AGPAT5: variants seen among roughly 807,000 people sequenced by gnomAD.
AGPAT5 encodes the protein 1-acylglycerol-3-phosphate O-acyltransferase 5.
A neutral mutation model predicts 45.6 loss-of-function variants in AGPAT5; 46 were observed. The observed-to-expected ratio is 1.01, with a 90% CI of 0.80 to 1.29. The LOEUF (loss-of-function observed/expected upper bound fraction) is 1.29. Ranked by LOEUF, AGPAT5 falls within the 50% of genes most tolerant of loss-of-function variation. The pLI is 0.00. For synonymous variants in AGPAT5, 272 were observed against 167.0 expected, an observed-to-expected ratio of 1.63 and a Z score of -4.85; for missense variants, 673 against 450.7, an observed-to-expected ratio of 1.49 and a Z score of -4.47.
chr8:6,737,207 T>C (rs1250956785), intron 4 of AGPAT5, among the ~76,000 whole-genome samples: 1 of 152,222 alleles, frequency 6.6e-6, no homozygotes, highest in African/African-American at 2.4e-5. Flanking sequence ...GTAAGGTCAC[T>C]GTCCCAGGTC....
At chr8:6,748,659 C>T (rs559678467) in intron 6 of AGPAT5, among the ~76,000 whole-genome samples, 2 of 152,166 alleles carry the variant, frequency 1.3e-5, no homozygotes, top group African/African-American at 2.4e-5. Context: ...CGTGTGCCAC[C>T]ATGCATGACT....
chr8:6,709,077 G>C, intron 1 of AGPAT5, 190 bp downstream of exon 1: 1 of 690,808 alleles, frequency 1.4e-6, no homozygotes, highest in Non-Finnish European at 2.5e-6. Flanking sequence ...TCTCTAGGAA[G>C]CTGTGGCTGC....
intron 1 of AGPAT5, among the ~76,000 whole-genome samples, chr8:6,714,229 TA>T (rs1356400203): frequency 6.6e-5 from 10 of 152,362 alleles, no homozygotes; most frequent in Non-Finnish European, 1.5e-4. Context: ...AGACCTTAAA[TA>T]GATCTTAAAT....
chr8:6,727,803 G>C (rs1800737307), intron 2 of AGPAT5, among the ~76,000 whole-genome samples: 1 of 152,236 alleles, frequency 6.6e-6, no homozygotes, highest in South Asian at 2.1e-4. Flanking sequence ...TGGAGTTAGA[G>C]AGACCCAGGT....
chr8:6,739,903 T>G (rs1479030797), intron 4 of AGPAT5, among the ~76,000 whole-genome samples: 1 of 152,122 alleles, frequency 6.6e-6, no homozygotes, highest in Non-Finnish European at 1.5e-5. Context: ...CCTAAATTTT[T>G]TCTCATCATT....
At chr8:6,743,512 A>G (rs937142911) in intron 5 of AGPAT5, among the ~76,000 whole-genome samples, 1 of 152,230 alleles carries the variant, frequency 6.6e-6, no homozygotes, top group African/African-American at 2.4e-5. Context: ...TTTTATTCAC[A>G]AAAAGAACAA....
At chr8:6,716,215 T>C (rs190293564) in intron 1 of AGPAT5, among the ~76,000 whole-genome samples, 138 of 152,352 alleles carry the variant, frequency 9.1e-4, no homozygotes, top group African/African-American at 3.2e-3. Flanking sequence ...CTCTTGGAGA[T>C]GGCAATAATG....
chr8:6,712,983 C>T (rs960801898), intron 1 of AGPAT5, among the ~76,000 whole-genome samples: 16 of 152,242 alleles, frequency 1.1e-4, no homozygotes, highest in South Asian at 8.3e-4. Flanking sequence ...TTAATCAACA[C>T]GTAATAGATT....
At chr8:6,717,953 T>C (rs1788873502) in intron 1 of AGPAT5, among the ~76,000 whole-genome samples, 1 of 152,250 alleles carries the variant, frequency 6.6e-6, no homozygotes, top group African/African-American at 2.4e-5. Context: ...GTGAGAAACC[T>C]AGGTGTAATT....
At chr8:6,708,910 GTCTC>G (rs1563277122) in intron 1 of AGPAT5, 23 bp downstream of exon 1, 7 of 1,587,622 alleles carry the variant, frequency 4.4e-6, no homozygotes, top group East Asian at 2.3e-5. Flanking sequence ...CCGCTCCCGG[GTCTC>G]GGCGTCCACC....
At chr8:6,750,341 A>C (rs146135628) in intron 6 of AGPAT5, among the ~76,000 whole-genome samples, 1 of 152,338 alleles carries the variant, frequency 6.6e-6, no homozygotes, top group African/African-American at 2.4e-5. Context: ...CCTCTGCTAC[A>C]TGTGAGCTGA....
chr8:6,745,461 A>G (rs1282119261), intron 5 of AGPAT5, among the ~76,000 whole-genome samples: 2 of 152,200 alleles, frequency 1.3e-5, no homozygotes, highest in Non-Finnish European at 2.9e-5. Flanking sequence ...ACTGACCTCC[A>G]AAGCATCGTA....
In AGPAT5 at chr8:6,757,274, C is replaced by T; in HGVS notation, c.981C>T (p.Ile327=). 3.1e-6 allele frequency: 5 copies of T among 1,614,150 alleles called. No homozygotes were observed. Among genetic ancestry groups the T allele is most frequent in the Non-Finnish European group, 3.4e-6 (4 of 1,180,010 alleles). The change falls in exon 8 of 8, where the codon ATC becomes ATT. Residue 327 remains isoleucine (I), a synonymous_variant. Transcript: ENST00000285518. ...SIKKTLPSML[I]LSGLTAGMLM... is the part of the protein sequence containing the mutation. Reference sequence around the variant, plus strand: ...AGAAGACTTTACCATCAATGTTGATCTTAAGTGGTTTGACTGCAGGCATGC... The same window carrying T: ...AGAAGACTTTACCATCAATGTTGATTTTAAGTGGTTTGACTGCAGGCATGC...
At chr8:6,750,013 A>G (rs760375433) in intron 6 of AGPAT5, among the ~76,000 whole-genome samples, 2 of 152,100 alleles carry the variant, frequency 1.3e-5, no homozygotes, top group Non-Finnish European at 2.9e-5. Context: ...CCTGCACCCC[A>G]TGCATATTCA....
chr8:6,724,670 C>T (rs201459649), intron 1 of AGPAT5, among the ~76,000 whole-genome samples, 200 bp from the exon 2 acceptor site: 1 of 12,860 alleles, frequency 7.8e-5, no homozygotes, highest in Non-Finnish European at 1.2e-4. Flanking sequence ...AATTTATTAC[C>T]GTTAACCTGT....
At chr8:6,708,960 A>G (rs1201593700) in intron 1 of AGPAT5, 73 bp downstream of exon 1, 4 of 1,438,574 alleles carry the variant, frequency 2.8e-6, no homozygotes, top group African/African-American at 1.4e-5. Context: ...CCGCTCCCCC[A>G]CAGCTGGCGA....
chr8:6,722,398 G>T (rs1046638134), intron 1 of AGPAT5, among the ~76,000 whole-genome samples: 4 of 151,956 alleles, frequency 2.6e-5, no homozygotes, highest in African/African-American at 9.7e-5. Context: ...AACAGCAAAA[G>T]TTTTTTTTAA....
Position 6,761,330 on chromosome 8 carries a change from C to T in AGPAT5, c.*3942C>T. Among the ~76,000 whole-genome samples, 1 of 150,954 alleles carries T rather than the reference C, an allele frequency of 6.6e-6. No homozygotes were observed. Among genetic ancestry groups the T allele is most frequent in the East Asian group, 1.9e-4 (1 of 5,178 alleles). ...TATGTTCTGCAATTTTATAAATGTT[C>T]ATGTCTTTTTTTAAAAAAGGTGCTA... On this transcript the variant is annotated 3_prime_UTR_variant, in exon 8 of 8. Transcript: ENST00000285518.
At chr8:6,743,833 G>A (rs551719637) in intron 5 of AGPAT5, among the ~76,000 whole-genome samples, 46 of 151,600 alleles carry the variant, frequency 3.0e-4, no homozygotes, top group Middle Eastern at 3.4e-3. Context: ...ACATACTTAA[G>A]CTTTTTGAAC....
Sources: allele counts gnomAD v4.1 joint callset (sites outside exome capture counted in the v4.1 genomes callset), GRCh38; gene constraint gnomAD v4.1.1; transcripts MANE v1.5; gene names NCBI Gene and HGNC (gene_info 2026-07-23, HGNC 2026-07-21).